Variants in ZMYND8 observed in about 807,000 individuals in gnomAD.
ZMYND8 encodes the protein MYND-type zinc finger-containing chromatin reader ZMYND8.
In ZMYND8, 37 loss-of-function variants were observed where a neutral mutation model predicts 140.8. That is an observed-to-expected ratio of 0.26 (90% confidence interval 0.20 to 0.35). The LOEUF (loss-of-function observed/expected upper bound fraction) is 0.35. ZMYND8 is among the 10% of genes least tolerant of loss of function. ZMYND8 has a pLI of 1.00. For synonymous variants in ZMYND8, 592 were observed against 597.1 expected (o/e 0.99, Z 0.12); for missense variants, 1,068 against 1,570.0 (o/e 0.68, Z 5.40).
At chr20:47,250,427 C>T (rs558875001) in intron 12 of ZMYND8, among the ~76,000 whole-genome samples, 59 of 152,312 alleles carry the variant, frequency 3.9e-4, no homozygotes, top group African/African-American at 1.4e-3. Flanking sequence ...ATCTGTCCTA[C>T]TCCGGCCGAT....
intron 3 of ZMYND8, among the ~76,000 whole-genome samples, chr20:47,307,377 G>A (rs1205130272): frequency 6.6e-6 from 1 of 152,024 alleles, no homozygotes; most frequent in Non-Finnish European, 1.5e-5. Context: ...AGAATCGCTT[G>A]AACCCAGGAG....
chr20:47,353,258 GAA>G (rs2082946903), intron 1 of ZMYND8: 1 of 152,132 alleles, frequency 6.6e-6, no homozygotes, highest in Non-Finnish European at 1.5e-5. Context: ...CCCAGGGAAA[GAA>G]AAGGGGAAAT....
chr20:47,240,951 G>C (rs990966784), intron 14 of ZMYND8, among the ~76,000 whole-genome samples: 1 of 152,146 alleles, frequency 6.6e-6, no homozygotes, highest in Admixed American at 6.5e-5. Context: ...GGGACTACAC[G>C]GGACGTGCTA....
At chr20:47,220,956 T>C (rs2036852446) in intron 20 of ZMYND8, among the ~76,000 whole-genome samples, 1 of 152,096 alleles carries the variant, frequency 6.6e-6, no homozygotes, top group African/African-American at 2.4e-5. Context: ...TAAATAAAAC[T>C]GTAAAATCAG....
chr20:47,299,113 G>A (rs2077831810), intron 3 of ZMYND8, among the ~76,000 whole-genome samples, 166 bp from the exon 4 acceptor site: 1 of 152,204 alleles, frequency 6.6e-6, no homozygotes, highest in Non-Finnish European at 1.5e-5. Flanking sequence ...TAATTAGCAA[G>A]TTGTTAAAAT....
At chr20:47,335,201 G>A (rs867883460) in intron 2 of ZMYND8, among the ~76,000 whole-genome samples, 3 of 151,994 alleles carry the variant, frequency 2.0e-5, no homozygotes, top group Admixed American at 6.6e-5. Context: ...AGCCGAGATC[G>A]TCCCACTGCA....
At chr20:47,214,346 CCTGCAGCTT>C (rs1399410129) in intron 21 of ZMYND8, among the ~76,000 whole-genome samples, 11 of 152,202 alleles carry the variant, frequency 7.2e-5, no homozygotes, top group Non-Finnish European at 5.9e-5. Context: ...CTGCGGCCTC[CCTGCAGCTT>C]CTCACTCACA....
At chr20:47,323,346 G>A (rs1032920090) in intron 2 of ZMYND8, among the ~76,000 whole-genome samples, 3 of 152,044 alleles carry the variant, frequency 2.0e-5, no homozygotes, top group Admixed American at 6.6e-5. Context: ...AGGTTCAAGC[G>A]ATCCTCCCAC....
In ZMYND8 at chr20:47,341,872, G is replaced by A. The variant is rs190259723; in HGVS notation, c.85+5984C>T. On this transcript the variant is annotated intron_variant, in intron 2 of 22. Coordinates refer to ENST00000471951, the MANE Select transcript of ZMYND8 (RefSeq NM_001281775.3). The stretch of plus-strand genomic sequence containing the variant: ...CAAAAAATTAGCCGGGCGTGGTGGC[G>A]GGCGCCTGTAATCCCAGCTACTTGG... Among the ~76,000 whole-genome samples, 546 of 151,970 alleles carry A rather than the reference G, an allele frequency of 3.6e-3. 4 individuals are homozygous for A. The highest frequency in any genetic ancestry group is 0.012 in the African/African-American group (512 of 41,434).
chr20:47,299,911 T>C (rs1257578827), intron 3 of ZMYND8, among the ~76,000 whole-genome samples: 1 of 152,128 alleles, frequency 6.6e-6, no homozygotes, highest in Non-Finnish European at 1.5e-5. Context: ...TTACCCCCAA[T>C]ACATAAAGCA....
intron 5 of ZMYND8, among the ~76,000 whole-genome samples, chr20:47,294,259 C>G (rs772874016): frequency 5.9e-5 from 9 of 151,518 alleles, no homozygotes; most frequent in Non-Finnish European, 1.0e-4. Context: ...GGCAGAGGCA[C>G]GAGAATCACT....
chr20:47,344,826 A>C (rs1217518248), intron 2 of ZMYND8, among the ~76,000 whole-genome samples: 1 of 152,220 alleles, frequency 6.6e-6, no homozygotes, highest in Non-Finnish European at 1.5e-5. Context: ...ATGTAATAGA[A>C]AATTGGCCAG....
chr20:47,240,918 C>A lies in ZMYND8; in HGVS notation c.2285-1780G>T, dbSNP rs532976117. Among the ~76,000 whole-genome samples, 3 of 152,252 alleles carry A rather than the reference C, an allele frequency of 2.0e-5. No individual in the cohort carries two copies. In the East Asian group the frequency reaches 5.8e-4, roughly 30 times the overall value. ...ATCACCCCGGCTGGGCTCAAGCAAG[C>A]CACTTCAGCCTCCCGAATAGCTGGG... On this transcript the variant is annotated intron_variant, in intron 14 of 22. Transcript: ENST00000471951.
At chr20:47,296,501 C>T (rs1240359591) in intron 4 of ZMYND8, among the ~76,000 whole-genome samples, 1 of 152,140 alleles carries the variant, frequency 6.6e-6, no homozygotes, top group African/African-American at 2.4e-5. Context: ...TGAACCCTAG[C>T]AGTCAACTTA....
intron 5 of ZMYND8, among the ~76,000 whole-genome samples, chr20:47,293,800 T>A (rs1007092350): frequency 3.3e-5 from 5 of 152,092 alleles, no homozygotes; most frequent in Non-Finnish European, 4.4e-5. Context: ...CCCAACCTCA[T>A]CTCAAATTTT....
intron 2 of ZMYND8, among the ~76,000 whole-genome samples, chr20:47,315,497 G>A (rs896598746): frequency 3.3e-5 from 5 of 152,200 alleles, no homozygotes; most frequent in Non-Finnish European, 7.4e-5. Context: ...ATCCTTCGGA[G>A]GGATGAGACA....
At chr20:47,214,540 C>T (rs1396875939) in intron 21 of ZMYND8, among the ~76,000 whole-genome samples, 1 of 152,228 alleles carries the variant, frequency 6.6e-6, no homozygotes, top group Admixed American at 6.5e-5. Context: ...GTCGCCCAGA[C>T]TGGAATGCAG....
At chr20:47,271,373 C>T (rs2075935837) in intron 11 of ZMYND8, among the ~76,000 whole-genome samples, 1 of 152,168 alleles carries the variant, frequency 6.6e-6, no homozygotes, top group African/African-American at 2.4e-5. Flanking sequence ...CTAAAGTAGC[C>T]CCAAGCTGCT....
chr20:47,268,331 T>C (rs557313174), intron 11 of ZMYND8, among the ~76,000 whole-genome samples: 1 of 138,296 alleles, frequency 7.2e-6, no homozygotes, highest in East Asian at 2.3e-4. Flanking sequence ...TCTCGCTCTG[T>C]CACCCAGGCT....
Sources: allele counts gnomAD v4.1 joint callset (sites outside exome capture counted in the v4.1 genomes callset), GRCh38; gene constraint gnomAD v4.1.1; transcripts MANE v1.5; gene names NCBI Gene and HGNC (gene_info 2026-07-23, HGNC 2026-07-21).